Variants in PARD3B observed in about 807,000 individuals in gnomAD.
PARD3B encodes par-3 family cell polarity regulator beta.
In PARD3B, 103 loss-of-function variants were observed where a neutral mutation model predicts 130.2. That is an observed-to-expected ratio of 0.79 (90% confidence interval 0.67 to 0.93). PARD3B has a LOEUF of 0.93. Ranked by LOEUF, PARD3B falls within the 40% of genes least tolerant of loss-of-function variation. The pLI, the probability that PARD3B is intolerant of heterozygous loss-of-function variation, is 0.00. For synonymous variants in PARD3B, 583 were observed against 553.2 expected, an observed-to-expected ratio of 1.05 and a Z score of -0.76; for missense variants, 1,609 against 1,499.2, an observed-to-expected ratio of 1.07 and a Z score of -1.21.
chr2:205,281,439 C>G lies in PARD3B; in HGVS notation c.2186-19091C>G, dbSNP rs972542214. Among the ~76,000 whole-genome samples, 3 of 152,072 alleles carry G rather than the reference C, an allele frequency of 2.0e-5. No individual in the cohort carries two copies. Among genetic ancestry groups the G allele is most frequent in the Non-Finnish European group, 4.4e-5 (3 of 68,000 alleles). On this transcript the variant is annotated intron_variant, in intron 16 of 22. Transcript: ENST00000406610. The surrounding 1 kb of genome is among the most constrained non-coding windows in gnomAD (Gnocchi z 4.2). ...ATTGCACACAAAAGTTCTCTGAAAA[C>G]GAAGTTGAAAGAAAGAGACCTTGTT...
intron 2 of PARD3B, among the ~76,000 whole-genome samples, chr2:204,716,385 T>C (rs993540379): frequency 2.0e-5 from 3 of 151,938 alleles, no homozygotes; most frequent in Non-Finnish European, 2.9e-5. Flanking sequence ...TGTATATACA[T>C]GAAAATTTGA....
At chr2:205,454,279 A>C (rs1011753265) in intron 20 of PARD3B, among the ~76,000 whole-genome samples, 1 of 152,120 alleles carries the variant, frequency 6.6e-6, no homozygotes. Flanking sequence ...TGCCCTCCTT[A>C]TAATTTTTGT....
intron 20 of PARD3B, among the ~76,000 whole-genome samples, chr2:205,477,536 G>A (rs1052528366): frequency 1.3e-5 from 2 of 152,062 alleles, no homozygotes; most frequent in African/African-American, 4.8e-5. Context: ...AATGATTACA[G>A]CTGAAAAGCA....
intron 21 of PARD3B, among the ~76,000 whole-genome samples, chr2:205,548,112 C>T (rs1282461901): frequency 6.6e-6 from 1 of 152,058 alleles, no homozygotes; most frequent in African/African-American, 2.4e-5. Flanking sequence ...CTCCTGGGTT[C>T]AGTGTTTTTG....
intron 3 of PARD3B, among the ~76,000 whole-genome samples, chr2:205,047,206 T>G (rs1698851548): frequency 6.6e-6 from 1 of 152,188 alleles, no homozygotes; most frequent in Non-Finnish European, 1.5e-5. Context: ...GAATGGCAAA[T>G]TACACTGACT....
At chr2:205,491,055 T>A (rs1160743128) in intron 20 of PARD3B, among the ~76,000 whole-genome samples, 2 of 152,192 alleles carry the variant, frequency 1.3e-5, no homozygotes, top group African/African-American at 4.8e-5. Context: ...ATTCTGTAGG[T>A]TGCCTGTTCA....
intron 4 of PARD3B, among the ~76,000 whole-genome samples, chr2:205,084,165 T>C (rs1701605561): frequency 6.6e-6 from 1 of 152,154 alleles, no homozygotes; most frequent in Non-Finnish European, 1.5e-5. Flanking sequence ...CTTCTGTCTA[T>C]TATGACTCTT....
At chr2:205,256,773 A>T (rs770075910) in intron 16 of PARD3B, among the ~76,000 whole-genome samples, 1 of 152,124 alleles carries the variant, frequency 6.6e-6, no homozygotes, top group Admixed American at 6.5e-5. Flanking sequence ...GGGAGCTTCT[A>T]GTTTCTGGGA....
At chr2:205,020,681 G>A (rs1364490692) in intron 3 of PARD3B, among the ~76,000 whole-genome samples, 2 of 152,082 alleles carry the variant, frequency 1.3e-5, no homozygotes, top group Non-Finnish European at 2.9e-5. Context: ...TTATATGTAG[G>A]AAAATTATCT....
rs370875737 is a variant in PARD3B, at chr2:205,288,404, A to G, written c.2186-12126A>G. On this transcript the variant is annotated intron_variant, in intron 16 of 22. Coordinates refer to ENST00000406610, the MANE Select transcript of PARD3B (RefSeq NM_001302769.2). The surrounding 1 kb of genome is among the most constrained non-coding windows in gnomAD (Gnocchi z 4.0). Reference sequence around the variant, plus strand: ...TGTAAAAAGAAAGGAAGAGCAAGAGATTTTATTAGCAATGAGTTCCATTGC... The same window carrying G: ...TGTAAAAAGAAAGGAAGAGCAAGAGGTTTTATTAGCAATGAGTTCCATTGC... Among the ~76,000 whole-genome samples, 10 of 152,232 alleles carry G rather than the reference A, an allele frequency of 6.6e-5. No individual in the cohort carries two copies. In the South Asian group the frequency reaches 2.1e-3, roughly 32 times the overall value.
chr2:204,785,606 G>A (rs2041981001), intron 2 of PARD3B, among the ~76,000 whole-genome samples: 1 of 152,176 alleles, frequency 6.6e-6, no homozygotes, highest in African/African-American at 2.4e-5. Flanking sequence ...AGAGTTATGT[G>A]TATTGGTCTC....
At chr2:205,369,887 A>T (rs1380060975) in intron 18 of PARD3B, among the ~76,000 whole-genome samples, 2 of 152,224 alleles carry the variant, frequency 1.3e-5, no homozygotes, top group Admixed American at 1.3e-4. Context: ...TAGAGATTAT[A>T]TGCTTTTAAA....
At position 205,301,347 on chromosome 2, in the gene PARD3B, G is replaced by A. The variant is rs765094759; in HGVS notation, c.2393-117G>A. 9 of 1,492,452 alleles carry A rather than the reference G, an allele frequency of 6.0e-6. No homozygotes were observed. The highest frequency in any genetic ancestry group is 1.4e-5 in the African/African-American group (1 of 71,076). 92.5% of individuals were successfully genotyped at this position (1,492,452 alleles called of 1,614,324 possible). ...AAAGGGCGCACGTAACCACATAGAA[G>A]GGTAGAACTACAGAGTGCTGTTATT... is the stretch of plus-strand genomic sequence containing the variant. On this transcript the variant is annotated intron_variant, in intron 17 of 22. Transcript: ENST00000406610. This position sits in a 1 kb window ranked among gnomAD's most constrained non-coding sequence, Gnocchi z 5.2.
intron 1 of PARD3B, among the ~76,000 whole-genome samples, chr2:204,599,845 A>AT (rs930684704): frequency 1.3e-4 from 20 of 150,238 alleles, no homozygotes; most frequent in South Asian, 2.1e-4. Context: ...CCTCACTAGC[A>AT]TTTTTTTTTA....
intron 16 of PARD3B, among the ~76,000 whole-genome samples, chr2:205,249,006 G>GTTTTTTTTTTTTTTT (rs10707308): frequency 4.1e-4 from 39 of 95,084 alleles, no homozygotes; most frequent in African/African-American, 1.8e-3. Flanking sequence ...TAAAATAAGA[G>GTTTTTTTTTTTTTTT]TTTTTTTTTT....
chr2:205,499,324 A>T (rs1042892494), intron 20 of PARD3B, among the ~76,000 whole-genome samples: 6 of 150,100 alleles, frequency 4.0e-5, no homozygotes, highest in African/African-American at 1.5e-4. Context: ...CTTAAAAAAA[A>T]AAAAAAACTT....
rs1425098613 is a variant in PARD3B, at chr2:205,352,513, A to G, written c.2631-48500A>G. On this transcript the variant is annotated intron_variant, in intron 18 of 22. Transcript: ENST00000406610. This position sits in a 1 kb window ranked among gnomAD's most constrained non-coding sequence, Gnocchi z 5.2. Reference sequence around the variant, plus strand: ...TATCTGGGATTTCATTCGGTTGATTAATACCTATAGGAGAAGAGACTATTT... The same window carrying G: ...TATCTGGGATTTCATTCGGTTGATTGATACCTATAGGAGAAGAGACTATTT... Among the ~76,000 whole-genome samples the G allele has an allele frequency of 6.6e-6, 1 of 152,240 alleles. No homozygotes were observed. The highest frequency in any genetic ancestry group is 2.4e-5 in the African/African-American group (1 of 41,470).
intron 22 of PARD3B, among the ~76,000 whole-genome samples, chr2:205,559,058 G>T (rs75151051): frequency 0.025 from 3,872 of 152,228 alleles, 148 homozygotes; most frequent in African/African-American, 0.085. Context: ...CTATACAGAT[G>T]AGAATAGTTT....
At chr2:204,836,740 G>T (rs2044050281) in intron 2 of PARD3B, among the ~76,000 whole-genome samples, 1 of 152,154 alleles carries the variant, frequency 6.6e-6, no homozygotes, top group Admixed American at 6.5e-5. Flanking sequence ...GTGGATAAGT[G>T]AGTATGTATG....
Sources: allele counts gnomAD v4.1 joint callset (sites outside exome capture counted in the v4.1 genomes callset), GRCh38; gene constraint gnomAD v4.1.1; non-coding constraint Gnocchi (gnomAD v3.1); transcripts MANE v1.5; gene names NCBI Gene and HGNC (gene_info 2026-07-23, HGNC 2026-07-21).